The following PRKG1 variants were observed in gnomAD, a reference collection of about 807,000 sequenced individuals.
PRKG1 encodes the protein cGMP-dependent protein kinase 1.
In PRKG1, 35 loss-of-function variants were observed where a neutral mutation model predicts 88.1. That is an observed-to-expected ratio of 0.40 (90% CI 0.30 to 0.53). The LOEUF is 0.53. Ranked by LOEUF, PRKG1 falls within the 20% of genes least tolerant of loss-of-function variation. The probability of loss-of-function intolerance (pLI) is 0.59; values close to 1 mark genes in which losing one functional copy is unlikely to be tolerated. For missense variants in PRKG1, 540 were observed against 839.8 expected (o/e 0.64, Z 4.41); for synonymous variants, 303 against 292.5 (o/e 1.04, Z -0.37).
chr10:51,171,485 T>C (rs572712854), intron 2 of PRKG1, among the ~76,000 whole-genome samples: 1 of 152,204 alleles, frequency 6.6e-6, no homozygotes, highest in East Asian at 1.9e-4. Flanking sequence ...CACTCAGCTG[T>C]TGTCTTTTCT....
intron 4 of PRKG1, among the ~76,000 whole-genome samples, chr10:51,863,047 C>G (rs1271455800): frequency 6.6e-6 from 1 of 152,036 alleles, no homozygotes; most frequent in Non-Finnish European, 1.5e-5. Context: ...TTTTCTCTTT[C>G]TCTTACTCTC....
chr10:52,001,685 T>C (rs544792452), intron 5 of PRKG1, among the ~76,000 whole-genome samples: 69 of 152,092 alleles, frequency 4.5e-4, no homozygotes, highest in Non-Finnish European at 8.2e-4. Context: ...TAAAAATGTA[T>C]TGAAACAAAA....
At chr10:51,410,778 A>G (rs35189776) in intron 2 of PRKG1, among the ~76,000 whole-genome samples, 1 of 151,748 alleles carries the variant, frequency 6.6e-6, no homozygotes, top group Non-Finnish European at 1.5e-5. Context: ...GTTTATTTAT[A>G]TAAAATAAAT....
chr10:51,595,955 T>G (rs1414820011), intron 3 of PRKG1, among the ~76,000 whole-genome samples: 1 of 151,994 alleles, frequency 6.6e-6, no homozygotes, highest in Non-Finnish European at 1.5e-5. Context: ...CTCAGACTCC[T>G]GTGTAGCTGG....
intron 9 of PRKG1, chr10:52,231,127 G>T (rs1008987509): frequency 2.6e-5 from 4 of 152,216 alleles, no homozygotes; most frequent in Non-Finnish European, 5.9e-5. Context: ...GCTGGGTGTG[G>T]TGGCTCACAC....
chr10:51,376,417 C>A (rs980996869), intron 2 of PRKG1, among the ~76,000 whole-genome samples: 1 of 152,078 alleles, frequency 6.6e-6, no homozygotes, highest in African/African-American at 2.4e-5. Context: ...AAATCTTTCA[C>A]CATATTGGTA....
At chr10:51,138,918 G>A (rs140285450) in intron 1 of PRKG1, among the ~76,000 whole-genome samples, 2 of 151,754 alleles carry the variant, frequency 1.3e-5, no homozygotes, top group Admixed American at 6.6e-5. Flanking sequence ...TCCTGACCCC[G>A]TTGATCAGTG....
At chr10:51,852,882 T>C (rs902942787) in intron 4 of PRKG1, among the ~76,000 whole-genome samples, 1 of 152,188 alleles carries the variant, frequency 6.6e-6, no homozygotes, top group African/African-American at 2.4e-5. Context: ...AAGTGTTTTT[T>C]CTAGATGAGT....
chr10:51,425,109 A>AT (rs1838538601), intron 2 of PRKG1, among the ~76,000 whole-genome samples: 1 of 151,862 alleles, frequency 6.6e-6, no homozygotes, highest in Non-Finnish European at 1.5e-5. Flanking sequence ...ATTTCTTGAG[A>AT]TTTTGAAAAG....
chr10:51,842,680 G>A (rs1247984472), intron 4 of PRKG1, among the ~76,000 whole-genome samples: 1 of 151,974 alleles, frequency 6.6e-6, no homozygotes, highest in African/African-American at 2.4e-5. Context: ...GTATGTATGT[G>A]CATACTATAT....
chr10:51,822,267 G>A (rs1839768871), intron 4 of PRKG1, among the ~76,000 whole-genome samples: 1 of 151,844 alleles, frequency 6.6e-6, no homozygotes, highest in Admixed American at 6.6e-5. Flanking sequence ...ACTGCCATTC[G>A]CAACATGGAT....
At chr10:51,634,882 T>C (rs551835750) in intron 3 of PRKG1, among the ~76,000 whole-genome samples, 45 of 152,138 alleles carry the variant, frequency 3.0e-4, no homozygotes, top group Non-Finnish European at 6.2e-4. Flanking sequence ...AAGTGGGAGC[T>C]AAACATTGAA....
At chr10:51,726,118 T>C (rs1392825171) in intron 3 of PRKG1, among the ~76,000 whole-genome samples, 1 of 152,226 alleles carries the variant, frequency 6.6e-6, no homozygotes, top group Non-Finnish European at 1.5e-5. Flanking sequence ...TTTCCCATAA[T>C]GTAATACTGT....
intron 7 of PRKG1, among the ~76,000 whole-genome samples, chr10:52,110,900 A>G (rs3851090): frequency 0.97 from 147,195 of 152,174 alleles, 71,350 homozygotes; most frequent in East Asian, 1. Context: ...TCTAAGAAAG[A>G]AAAGTGCCCA....
intron 3 of PRKG1, among the ~76,000 whole-genome samples, chr10:51,529,553 C>A (rs1003178187): frequency 6.6e-6 from 1 of 152,146 alleles, no homozygotes; most frequent in Non-Finnish European, 1.5e-5. Context: ...ACTTGCCTTC[C>A]TTTCCAAAAC....
chr10:51,257,125 A>G (rs1839582446), intron 2 of PRKG1, among the ~76,000 whole-genome samples: 1 of 152,100 alleles, frequency 6.6e-6, no homozygotes, highest in Non-Finnish European at 1.5e-5. Flanking sequence ...CTTTAAAAAA[A>G]TGATGGCATC....
chr10:51,735,180 A>G (rs781046577), intron 3 of PRKG1, among the ~76,000 whole-genome samples: 2 of 152,206 alleles, frequency 1.3e-5, no homozygotes, highest in African/African-American at 2.4e-5. Context: ...CAGATTAGCT[A>G]TCTTTATGTA....
chr10:52,141,148 CT>C (rs1386314131), intron 8 of PRKG1, among the ~76,000 whole-genome samples: 3 of 151,976 alleles, frequency 2.0e-5, no homozygotes, highest in African/African-American at 7.2e-5. Context: ...GACTGGTGTG[CT>C]TCTCAAAAAA....
intron 2 of PRKG1, among the ~76,000 whole-genome samples, chr10:51,173,474 TAGTG>T (rs1298639376): frequency 1.3e-5 from 2 of 151,694 alleles, no homozygotes; most frequent in South Asian, 2.1e-4. Context: ...TTTTTAAAGA[TAGTG>T]AGGAGATTCA....
Sources: gnomAD v4.1 joint callset for allele counts (sites outside exome capture counted in the v4.1 genomes callset) on GRCh38, gnomAD v4.1.1 for gene constraint, MANE v1.5 for transcripts, NCBI Gene and HGNC (gene_info 2026-07-23, HGNC 2026-07-21) for gene names.